DPP10: variants seen among roughly 807,000 people sequenced by gnomAD.
DPP10 encodes inactive dipeptidyl peptidase 10.
In DPP10, 33 loss-of-function variants were observed where a neutral mutation model predicts 120.9. The ratio of observed to expected loss-of-function variants is 0.27; its 90% CI spans 0.21 to 0.37. The LOEUF (loss-of-function observed/expected upper bound fraction) is 0.37. Among genes scored for constraint, DPP10 ranks in the 10% least tolerant of loss-of-function variants. The probability of loss-of-function intolerance (pLI) is 1.00; values close to 1 mark genes in which losing one functional copy is unlikely to be tolerated. For missense variants in DPP10, 816 were observed against 942.8 expected (o/e 0.87, Z 1.76); for synonymous variants, 337 against 326.1 (o/e 1.03, Z -0.36).
At chr2:115,172,640 C>T (rs770339171) in intron 1 of DPP10, among the ~76,000 whole-genome samples, 26 of 152,250 alleles carry the variant, frequency 1.7e-4, no homozygotes, top group South Asian at 1.0e-3. Context: ...GTATCTGATG[C>T]TTCATCTGAA....
chr2:115,663,281 A>G (rs2089158796), intron 5 of DPP10, among the ~76,000 whole-genome samples: 1 of 152,196 alleles, frequency 6.6e-6, no homozygotes, highest in East Asian at 1.9e-4. Context: ...ATGACTTCTT[A>G]TTCTTGATGC....
In DPP10 at chr2:115,193,920, A is replaced by T. The variant is rs191347587; in HGVS notation, c.61-115319A>T. ...CGGGCCTTTGTATGGTAATTAATTA[A>T]ATCTAAAAATGTGTGCTCTCTCTTA... is the stretch of plus-strand genomic sequence containing the variant. On this transcript the variant is annotated intron_variant, in intron 1 of 25. Transcript: ENST00000410059. 1.9e-3 allele frequency among the ~76,000 whole-genome samples: 285 copies of T among 152,312 alleles called. 6 individuals are homozygous for T. Among genetic ancestry groups the T allele is most frequent in the Middle Eastern group, 0.014 (4 of 294 alleles).
At chr2:114,882,336 A>G (rs1691713942) in intron 1 of DPP10, among the ~76,000 whole-genome samples, 1 of 152,178 alleles carries the variant, frequency 6.6e-6, no homozygotes, top group East Asian at 1.9e-4. Context: ...ATAAAACAGA[A>G]TGAAATAATG....
At chr2:114,460,170 TATCTATC>T (rs1415108071) in intron 1 of DPP10, among the ~76,000 whole-genome samples, 9 of 2,508 alleles carry the variant, frequency 3.6e-3, no homozygotes, top group Admixed American at 6.0e-3. Flanking sequence ...TTTGGGATGA[TATCTATC>T]TATCTATCTA....
intron 1 of DPP10, among the ~76,000 whole-genome samples, chr2:114,576,421 G>GA (rs1335683985): frequency 1.3e-5 from 2 of 152,204 alleles, no homozygotes; most frequent in African/African-American, 4.8e-5. Context: ...AAGGTGGCTG[G>GA]AAAGGAGCTA....
At chr2:115,380,318 G>T (rs909128771) in intron 3 of DPP10, among the ~76,000 whole-genome samples, 31 of 152,178 alleles carry the variant, frequency 2.0e-4, no homozygotes, top group African/African-American at 7.2e-4. Flanking sequence ...GGCCTTCTTT[G>T]TCTCTTTTGA....
chr2:115,724,366 G>T (rs897765729), intron 7 of DPP10, among the ~76,000 whole-genome samples: 1 of 152,136 alleles, frequency 6.6e-6, no homozygotes, highest in Non-Finnish European at 1.5e-5. Flanking sequence ...ATTAAAAATT[G>T]ACTCTTAAAG....
chr2:115,109,403 G>A (rs956191107), intron 1 of DPP10, among the ~76,000 whole-genome samples: 15 of 152,104 alleles, frequency 9.9e-5, no homozygotes, highest in African/African-American at 3.4e-4. Flanking sequence ...GGGCGTGGTG[G>A]CGGGCGCCTG....
At chr2:114,854,408 T>C (rs961632154) in intron 1 of DPP10, among the ~76,000 whole-genome samples, 1 of 152,146 alleles carries the variant, frequency 6.6e-6, no homozygotes, top group Non-Finnish European at 1.5e-5. Flanking sequence ...AAAAAATGAA[T>C]AAAGAGATCT....
intron 1 of DPP10, among the ~76,000 whole-genome samples, chr2:114,920,418 A>C (rs1292092777): frequency 1.3e-5 from 2 of 152,180 alleles, no homozygotes; most frequent in Non-Finnish European, 2.9e-5. Flanking sequence ...GTCCTCTCCC[A>C]TCTCCATACG....
intron 8 of DPP10, among the ~76,000 whole-genome samples, chr2:115,735,129 C>T (rs1390375991): frequency 6.6e-6 from 1 of 152,088 alleles, no homozygotes; most frequent in Non-Finnish European, 1.5e-5. Context: ...TCATTTGATT[C>T]GCCAGGGTTT....
Position 115,832,004 on chromosome 2 carries a change from A to G in DPP10, c.1951-4153A>G, listed in dbSNP as rs539381490. On this transcript the variant is annotated intron_variant, in intron 21 of 25. Transcript: ENST00000410059. Reference sequence around the variant, plus strand: ...CTAATTTACTACAGACGATATGGTGATTCCCATTTTTTAATCTACCTGATG... The same window carrying G: ...CTAATTTACTACAGACGATATGGTGGTTCCCATTTTTTAATCTACCTGATG... Among the ~76,000 whole-genome samples the G allele has an allele frequency of 5.6e-4, 86 of 152,316 alleles. 2 individuals carry two copies. The highest frequency in any genetic ancestry group is 2.0e-3 in the African/African-American group (83 of 41,564).
At chr2:115,042,361 G>A (rs1455837648) in intron 1 of DPP10, among the ~76,000 whole-genome samples, 2 of 152,058 alleles carry the variant, frequency 1.3e-5, no homozygotes, top group African/African-American at 4.8e-5. Flanking sequence ...CTGCCTCACG[G>A]GTTCAAGTGA....
At chr2:114,688,687 T>C (rs1014193683) in intron 1 of DPP10, among the ~76,000 whole-genome samples, 1 of 151,944 alleles carries the variant, frequency 6.6e-6, no homozygotes, top group African/African-American at 2.4e-5. Context: ...ATCCACAGTC[T>C]AAGTGACTGA....
At chr2:114,703,240 C>G (rs886644417) in intron 1 of DPP10, among the ~76,000 whole-genome samples, 1 of 152,070 alleles carries the variant, frequency 6.6e-6, no homozygotes, top group Admixed American at 6.6e-5. Flanking sequence ...ATATCTAAAT[C>G]TTTTTCTCAG....
At chr2:115,804,992 T>A (rs951316566) in intron 19 of DPP10, among the ~76,000 whole-genome samples, 14 of 152,334 alleles carry the variant, frequency 9.2e-5, no homozygotes, top group Middle Eastern at 3.4e-3. Context: ...GCAGAGGTTA[T>A]TGCTGTCTTT....
At chr2:114,937,069 C>A (rs1207707099) in intron 1 of DPP10, among the ~76,000 whole-genome samples, 2 of 151,996 alleles carry the variant, frequency 1.3e-5, no homozygotes, top group Non-Finnish European at 2.9e-5. Context: ...CTGATTATTT[C>A]TTTTGCTGTG....
At chr2:114,473,772 T>A (rs1344143081) in intron 1 of DPP10, among the ~76,000 whole-genome samples, 1 of 152,214 alleles carries the variant, frequency 6.6e-6, no homozygotes, top group Non-Finnish European at 1.5e-5. Flanking sequence ...TTATGATACA[T>A]TTTTAGTGAA....
intron 3 of DPP10, among the ~76,000 whole-genome samples, chr2:115,484,483 C>T (rs1347094108): frequency 6.6e-6 from 1 of 152,050 alleles, no homozygotes. Context: ...TAATGTACAG[C>T]ACAGGAATGA....
Sources: gnomAD v4.1 joint callset for allele counts (sites outside exome capture counted in the v4.1 genomes callset) on GRCh38, gnomAD v4.1.1 for gene constraint, MANE v1.5 for transcripts, NCBI Gene and HGNC (gene_info 2026-07-23, HGNC 2026-07-21) for gene names.